Variants in TAFA1 observed in about 807,000 individuals in gnomAD.
TAFA1 encodes TAFA chemokine like family member 1.
A neutral mutation model predicts 18.5 loss-of-function variants in TAFA1; 4 were observed. That is an observed-to-expected ratio of 0.22 (90% CI 0.11 to 0.49). The LOEUF is 0.49. Ranked by LOEUF, TAFA1 falls within the 20% of genes least tolerant of loss-of-function variation. The pLI is 0.98. For missense variants in TAFA1, 147 were observed against 169.0 expected (o/e 0.87, Z 0.72); for synonymous variants, 56 against 55.2 (o/e 1.01, Z -0.06).
intron 2 of TAFA1, among the ~76,000 whole-genome samples, chr3:68,208,309 GC>G (rs2066551720): frequency 6.6e-6 from 1 of 151,526 alleles, no homozygotes; most frequent in African/African-American, 2.4e-5. Flanking sequence ...TCGTGTTTTA[GC>G]CAGGTTCCTA....
rs1224732934 is a variant in TAFA1, at chr3:68,363,867, G to A, written c.119-53413G>A. ...AGGCAGCCTTGCGGGATTTCTCAAGGTTACAACATTGCGAACATAAGTTTT... is the reference window on the plus strand; with the variant it reads ...AGGCAGCCTTGCGGGATTTCTCAAGATTACAACATTGCGAACATAAGTTTT... On this transcript the variant is annotated intron_variant, in intron 2 of 4. Transcript: ENST00000478136. 4.6e-5 allele frequency among the ~76,000 whole-genome samples: 7 copies of A among 152,076 alleles called. No homozygotes were observed. The East Asian group carries it at 1.4e-3, about 29-fold the overall frequency.
intron 3 of TAFA1, among the ~76,000 whole-genome samples, chr3:68,448,565 G>A (rs1319041089): frequency 6.6e-6 from 1 of 151,954 alleles, no homozygotes; most frequent in Non-Finnish European, 1.5e-5. Context: ...AATTGAAGGA[G>A]ATGCTTAATT....
chr3:68,072,890 A>G (rs558561348), intron 2 of TAFA1, among the ~76,000 whole-genome samples: 2 of 152,348 alleles, frequency 1.3e-5, no homozygotes, highest in South Asian at 2.1e-4. Flanking sequence ...AAAGAACACT[A>G]CAAACATAAA....
chr3:68,229,434 A>G (rs2066843644), intron 2 of TAFA1, among the ~76,000 whole-genome samples: 1 of 152,208 alleles, frequency 6.6e-6, no homozygotes, highest in Non-Finnish European at 1.5e-5. Context: ...AACCATTTTC[A>G]CTGGTTTGTG....
At chr3:68,465,268 C>T (rs149581421) in intron 3 of TAFA1, among the ~76,000 whole-genome samples, 1 of 152,088 alleles carries the variant, frequency 6.6e-6, no homozygotes, top group Non-Finnish European at 1.5e-5. Context: ...GCAGCAGATA[C>T]CTTGTAACCA....
rs748448198 is a variant in TAFA1, at chr3:68,122,808, A to ATGTGTGTGTGTGTATGTGTG, written c.118+116070_118+116089dup. Among the ~76,000 whole-genome samples the ATGTGTGTGTGTGTATGTGTG allele has an allele frequency of 5.1e-3, 768 of 151,406 alleles. 7 individuals are homozygous for ATGTGTGTGTGTGTATGTGTG. The highest frequency in any genetic ancestry group is 4.5e-3 in the Non-Finnish European group (306 of 67,764). ...TTTCTGTATATGTGTGTATATATAT[A>ATGTGTGTGTGTGTATGTGTG]TGTGTGTGTGTGTATGTGTGTGTGT... On this transcript the variant is annotated intron_variant, in intron 2 of 4. Transcript: ENST00000478136.
At position 68,021,109 on chromosome 3, in the gene TAFA1, C is replaced by G. The variant is rs138144751; in HGVS notation, c.118+14365C>G. ...GCTGAGATGAGAGAATTGCTTGAACCTGGGAGGCAGAGGCTTCAGTGAGCC... is the reference window on the plus strand; with the variant it reads ...GCTGAGATGAGAGAATTGCTTGAACGTGGGAGGCAGAGGCTTCAGTGAGCC... On this transcript the variant is annotated intron_variant, in intron 2 of 4. Coordinates refer to ENST00000478136, the MANE Select transcript of TAFA1 (RefSeq NM_213609.4). Among the ~76,000 whole-genome samples the G allele has an allele frequency of 3.6e-3, 475 of 130,468 alleles. 3 individuals carry two copies. The highest frequency in any genetic ancestry group is 0.012 in the Middle Eastern group (2 of 168). 85.6% of individuals were successfully genotyped at this position (130,468 alleles called of 152,430 possible). A position where few individuals can be genotyped will look rare whatever the true frequency, so the allele number is the denominator to read the frequency against.
At chr3:68,083,223 G>T in intron 2 of TAFA1, among the ~76,000 whole-genome samples, 1 of 152,128 alleles carries the variant, frequency 6.6e-6, no homozygotes, top group Non-Finnish European at 1.5e-5. Context: ...TACATTCTGG[G>T]CAGTAAGGAA....
chr3:68,077,806 C>T (rs1312948178), intron 2 of TAFA1, among the ~76,000 whole-genome samples: 3 of 151,766 alleles, frequency 2.0e-5, no homozygotes, highest in Non-Finnish European at 2.9e-5. Context: ...TTTTTTGGTT[C>T]CATATGAACT....
intron 2 of TAFA1, among the ~76,000 whole-genome samples, chr3:68,408,794 T>C (rs922997831): frequency 8.5e-5 from 13 of 152,086 alleles, no homozygotes; most frequent in South Asian, 2.1e-4. Context: ...ATAATTCCAG[T>C]TGGGAGTCAG....
At chr3:68,271,851 C>T (rs1239919943) in intron 2 of TAFA1, among the ~76,000 whole-genome samples, 1 of 149,344 alleles carries the variant, frequency 6.7e-6, no homozygotes, top group Non-Finnish European at 1.5e-5. Context: ...CACACACACA[C>T]ACACACACAT....
chr3:68,205,846 G>A (rs1373630504), intron 2 of TAFA1, among the ~76,000 whole-genome samples: 2 of 151,736 alleles, frequency 1.3e-5, no homozygotes, highest in Non-Finnish European at 2.9e-5. Context: ...CATAAAAAAG[G>A]GAAAAGTTAA....
At chr3:68,060,845 T>C (rs2064593442) in intron 2 of TAFA1, among the ~76,000 whole-genome samples, 1 of 152,228 alleles carries the variant, frequency 6.6e-6, no homozygotes, top group Non-Finnish European at 1.5e-5. Flanking sequence ...AGCTGGCTTT[T>C]GATTGCTCTT....
chr3:68,086,423 G>T (rs1347253371), intron 2 of TAFA1, among the ~76,000 whole-genome samples: 1 of 152,302 alleles, frequency 6.6e-6, no homozygotes, highest in East Asian at 1.9e-4. Context: ...GATTTCAGCA[G>T]CATGTGTATT....
chr3:68,025,420 C>T, intron 2 of TAFA1, among the ~76,000 whole-genome samples: 1 of 152,108 alleles, frequency 6.6e-6, no homozygotes, highest in East Asian at 1.9e-4. Flanking sequence ...CTATATTCTA[C>T]AATCTATATT....
chr3:68,383,503 A>T (rs2070025531), intron 2 of TAFA1, among the ~76,000 whole-genome samples: 1 of 152,022 alleles, frequency 6.6e-6, no homozygotes, highest in African/African-American at 2.4e-5. Flanking sequence ...GTGTCTGTTG[A>T]ACAAACTTTG....
chr3:68,161,873 T>C (rs1051386724), intron 2 of TAFA1, among the ~76,000 whole-genome samples: 1 of 152,182 alleles, frequency 6.6e-6, no homozygotes, highest in African/African-American at 2.4e-5. Context: ...TAATTATTAA[T>C]TTTCTAGACC....
chr3:68,076,627 G>C (rs1429337327), intron 2 of TAFA1, among the ~76,000 whole-genome samples: 1 of 152,284 alleles, frequency 6.6e-6, no homozygotes, highest in Non-Finnish European at 1.5e-5. Flanking sequence ...TCCCTACAAA[G>C]GACATGAACT....
intron 2 of TAFA1, among the ~76,000 whole-genome samples, chr3:68,223,895 A>G (rs950824868): frequency 6.6e-6 from 1 of 151,910 alleles, no homozygotes; most frequent in African/African-American, 2.4e-5. Context: ...ACTGAATGCA[A>G]TGCTATACAG....
Sources: allele counts gnomAD v4.1 joint callset (sites outside exome capture counted in the v4.1 genomes callset), GRCh38; gene constraint gnomAD v4.1.1; transcripts MANE v1.5; gene names NCBI Gene and HGNC (gene_info 2026-07-23, HGNC 2026-07-21).